The following ARSK variants were observed in gnomAD, a reference collection of about 807,000 sequenced individuals.
ARSK encodes arylsulfatase family member K, also known as arylsulfatase K.
ARSK carries 37 observed loss-of-function variants against 53.2 expected under a neutral mutation model. That is an observed-to-expected ratio of 0.70 (90% confidence interval 0.54 to 0.92). The LOEUF is 0.92. Among genes scored for constraint, ARSK ranks in the 40% least tolerant of loss-of-function variants. ARSK has a pLI of 0.00. For missense variants in ARSK, 613 were observed against 643.0 expected (o/e 0.95, Z 0.51); for synonymous variants, 208 against 223.2 (o/e 0.93, Z 0.61).
chr5:95,603,520 A>T lies in ARSK; in HGVS notation c.1605A>T (p.Ala535=), dbSNP rs1749447804. ...TTAAAACCCATATGAATCCAAGAGC[A>T]GTTTGAACAAAAAGTTTAAAAATAG... ...QWLKTHMNPR[A]V is the part of the protein sequence containing the mutation. The change falls in exon 8 of 8, where the codon GCA becomes GCT. Residue 535 remains alanine (A), a synonymous_variant. Coordinates refer to ENST00000380009, the MANE Select transcript of ARSK (RefSeq NM_198150.3). 1 of 1,588,632 alleles carries T rather than the reference A, an allele frequency of 6.3e-7. No homozygotes were observed. The highest frequency in any genetic ancestry group is 1.4e-5 in the African/African-American group (1 of 73,524).
chr5:95,573,685 A>G (rs944444504), intron 3 of ARSK, among the ~76,000 whole-genome samples: 1 of 152,222 alleles, frequency 6.6e-6, no homozygotes, highest in East Asian at 1.9e-4. Flanking sequence ...TTGTCTGCTC[A>G]TGTAGGTTAA....
chr5:95,592,552 T>C (rs967547531), intron 6 of ARSK, among the ~76,000 whole-genome samples: 4 of 152,162 alleles, frequency 2.6e-5, no homozygotes, highest in African/African-American at 7.2e-5. Flanking sequence ...TTGAACTCTT[T>C]TTTTTTGTGT....
In ARSK at chr5:95,566,057, T is replaced by C; in HGVS notation, c.186T>C (p.Phe62=). The change falls in exon 2 of 8, where the codon TTT becomes TTC. Residue 62 remains phenylalanine (F), a synonymous_variant. Transcript: ENST00000380009. ...SQVVKLPFIN[F]MKTRGTSFLN... ...TAGTGAAACTTCCTTTTATCAACTT[T>C]ATGAAGACACGTGGGACTTCCTTTC... 6.2e-7 allele frequency: 1 copy of C among 1,613,646 alleles called. No individual in the cohort carries two copies. The highest frequency in any genetic ancestry group is 8.5e-7 in the Non-Finnish European group (1 of 1,179,840).
intron 6 of ARSK, among the ~76,000 whole-genome samples, chr5:95,597,013 G>A (rs1749319331): frequency 6.6e-6 from 1 of 151,774 alleles, no homozygotes; most frequent in East Asian, 1.9e-4. Flanking sequence ...TTATGAATAG[G>A]AATTCTTTAT....
Position 95,604,957 on chromosome 5 carries a change from T to C in ARSK, c.*1431T>C, listed in dbSNP as rs1367069922. 1 of 152,266 alleles carries C rather than the reference T, an allele frequency of 6.6e-6. No individual in the cohort carries two copies. Among genetic ancestry groups the C allele is most frequent in the Non-Finnish European group, 1.5e-5 (1 of 68,052 alleles). 9.4% of individuals were successfully genotyped at this position (152,266 alleles called of 1,614,324 possible). A position where few individuals can be genotyped will look rare whatever the true frequency, so the allele number is the denominator to read the frequency against. ...TCTTTTGACTTTGTTCTGGTATTTT[T>C]TGATATGTAGAAATTTTTATTTTCA... On this transcript the variant is annotated 3_prime_UTR_variant, in exon 8 of 8. Coordinates refer to ENST00000380009, the MANE Select transcript of ARSK (RefSeq NM_198150.3).
At chr5:95,585,273 T>C (rs951262874) in intron 4 of ARSK, among the ~76,000 whole-genome samples, 3 of 152,146 alleles carry the variant, frequency 2.0e-5, no homozygotes, top group African/African-American at 7.2e-5. Flanking sequence ...GGAGATTCCT[T>C]AGCTAAAAGT....
Position 95,591,478 on chromosome 5 carries a change from C to G in ARSK, c.949C>G (p.Leu317Val), listed in dbSNP as rs1393129492. 27 of 1,613,982 alleles carry G rather than the reference C, an allele frequency of 1.7e-5. No homozygotes were observed. The highest frequency in any genetic ancestry group is 2.2e-5 in the Non-Finnish European group (26 of 1,179,974). Residue 317 changes from leucine to valine, a missense_variant, in exon 6 of 8, where the codon CTG becomes GTG. Physicochemically the swap from Leu to Val is conservative, Grantham distance 32 (BLOSUM62 1). Coordinates refer to ENST00000380009, the MANE Select transcript of ARSK (RefSeq NM_198150.3). The stretch of plus-strand genomic sequence containing the variant: ...CATATACTCCTCAGACCATGGAGAG[C>G]TGGCCATGGAACATCGACAGTTTTA... ...IVIYSSDHGE[L>V]AMEHRQFYKM...
intron 6 of ARSK, among the ~76,000 whole-genome samples, chr5:95,594,757 G>A (rs934591073): frequency 5.3e-5 from 8 of 151,896 alleles, no homozygotes; most frequent in African/African-American, 1.7e-4. Flanking sequence ...GGAGAATGGC[G>A]TGAATCTGGG....
rs947116810 is a variant in ARSK at position 95,586,594 on chromosome 5, G to C, written c.732G>C (p.Trp244Cys). 6.2e-7 allele frequency: 1 copy of C among 1,611,462 alleles called. No individual in the cohort carries two copies. The highest frequency in any genetic ancestry group is 8.5e-7 in the Non-Finnish European group (1 of 1,179,130). ...ATGATGCCATCAAAATCCCAAAGTG[G>C]TCACCTTTGTCAGAAATGCACCCTG... ...VSHDAIKIPK[W>C]SPLSEMHPVD... The change falls in exon 5 of 8, where the codon TGG becomes TGC. Residue 244 changes from tryptophan to cysteine, a missense_variant. Coordinates refer to ENST00000380009, the MANE Select transcript of ARSK (RefSeq NM_198150.3).
At chr5:95,564,888 A>T (rs116339361) in intron 1 of ARSK, among the ~76,000 whole-genome samples, 1 of 151,818 alleles carries the variant, frequency 6.6e-6, no homozygotes. Flanking sequence ...GTTTTATTTA[A>T]TCTCACAGTT....
chr5:95,570,423 T>C (rs971398602), intron 3 of ARSK, among the ~76,000 whole-genome samples: 2 of 152,190 alleles, frequency 1.3e-5, no homozygotes, highest in African/African-American at 2.4e-5. Context: ...GAAGTACATG[T>C]AGGAGGAGGA....
At chr5:95,575,142 T>C (rs1748902964) in intron 3 of ARSK, among the ~76,000 whole-genome samples, 1 of 152,172 alleles carries the variant, frequency 6.6e-6, no homozygotes, top group South Asian at 2.1e-4. Context: ...TTGTCAAAAA[T>C]GAGTTCACTG....
At chr5:95,585,617 A>T (rs1749099432) in intron 4 of ARSK, among the ~76,000 whole-genome samples, 1 of 152,210 alleles carries the variant, frequency 6.6e-6, no homozygotes, top group South Asian at 2.1e-4. Context: ...AGCTATGAGG[A>T]TGCAGAGGCA....
At chr5:95,594,676 C>A (rs1293373928) in intron 6 of ARSK, among the ~76,000 whole-genome samples, 1 of 152,032 alleles carries the variant, frequency 6.6e-6, no homozygotes, top group Non-Finnish European at 1.5e-5. Flanking sequence ...CCTGTCTCTA[C>A]TAAAAATGCA....
intron 3 of ARSK, among the ~76,000 whole-genome samples, chr5:95,573,769 G>A (rs1748874553): frequency 6.6e-6 from 1 of 152,136 alleles, no homozygotes; most frequent in African/African-American, 2.4e-5. Context: ...ATAGACTTAG[G>A]GAGTACAGTA....
At chr5:95,579,565 A>G (rs1420781930) in intron 3 of ARSK, among the ~76,000 whole-genome samples, 1 of 152,222 alleles carries the variant, frequency 6.6e-6, no homozygotes, top group Non-Finnish European at 1.5e-5. Flanking sequence ...TGTGGGAATT[A>G]TGGGATCTCC....
intron 1 of ARSK, among the ~76,000 whole-genome samples, chr5:95,558,853 C>T (rs990951991): frequency 6.6e-6 from 1 of 152,074 alleles, no homozygotes; most frequent in Non-Finnish European, 1.5e-5. Flanking sequence ...ACTATAAGAC[C>T]AGTTTGGCCG....
rs4869242 is a variant in ARSK, at chr5:95,597,913, C to T, written c.1097-2934C>T. On this transcript the variant is annotated intron_variant, in intron 6 of 7. Coordinates refer to ENST00000380009, the MANE Select transcript of ARSK (RefSeq NM_198150.3). ...TGCCTCAAAAAAAAAAAGTGGGGGGCGGGTAATAGTGGCTATTTCATAGCT... is the reference window on the plus strand; with the variant it reads ...TGCCTCAAAAAAAAAAAGTGGGGGGTGGGTAATAGTGGCTATTTCATAGCT... Among the ~76,000 whole-genome samples the T allele has an allele frequency of 1.7e-4, 24 of 141,570 alleles. 2 individuals carry two copies. The highest frequency in any genetic ancestry group is 8.8e-4 in the South Asian group (4 of 4,526). 92.9% of individuals were successfully genotyped at this position (141,570 alleles called of 152,430 possible). A position where few individuals can be genotyped will look rare whatever the true frequency, so the allele number is the denominator to read the frequency against.
chr5:95,573,349 A>C (rs1748867757), intron 3 of ARSK, among the ~76,000 whole-genome samples: 1 of 152,200 alleles, frequency 6.6e-6, no homozygotes, highest in South Asian at 2.1e-4. Flanking sequence ...CAGTATAATA[A>C]AAAATTTAAT....
Sources: gnomAD v4.1 joint callset for allele counts (sites outside exome capture counted in the v4.1 genomes callset) on GRCh38, gnomAD v4.1.1 for gene constraint, MANE v1.5 for transcripts, NCBI Gene and HGNC (gene_info 2026-07-23, HGNC 2026-07-21) for gene names.